PHKA2: variants seen among roughly 807,000 people sequenced by gnomAD.
PHKA2 encodes the protein phosphorylase kinase regulatory subunit alpha 2.
PHKA2 carries 31 observed loss-of-function variants against 102.0 expected under a neutral mutation model. The ratio of observed to expected loss-of-function variants is 0.30; its 90% CI spans 0.23 to 0.41. PHKA2 has a LOEUF of 0.41. PHKA2 is among the 10% of genes least tolerant of loss of function. The pLI, the probability that PHKA2 is intolerant of heterozygous loss-of-function variation, is 1.00. For synonymous variants in PHKA2, 455 were observed against 416.2 expected (o/e 1.09, Z -1.13); for missense variants, 858 against 1,023.1 (o/e 0.84, Z 2.20).
At chrX:18,962,809 C>T (rs762852912) in intron 1 of PHKA2, among the ~76,000 whole-genome samples, 4 of 112,139 alleles carry the variant, frequency 3.6e-5, no homozygotes, top group Non-Finnish European at 5.6e-5. Context: ...CCTCACCAAA[C>T]GCCAGCCTGG....
chrX:18,922,519 A>C (rs1480017703), intron 17 of PHKA2, among the ~76,000 whole-genome samples: 2 of 111,547 alleles, frequency 1.8e-5, no homozygotes, highest in African/African-American at 6.5e-5. Context: ...AGAGGGACCA[A>C]CCTCAGCGGG....
chrX:18,926,970 C>T (rs772728291), intron 13 of PHKA2, among the ~76,000 whole-genome samples: 1 of 111,684 alleles, frequency 9.0e-6, no homozygotes, highest in Non-Finnish European at 1.9e-5. Context: ...GAAACAGCTC[C>T]ACTTGGGGGA....
intron 1 of PHKA2, among the ~76,000 whole-genome samples, chrX:18,974,346 G>C (rs183110764): frequency 9.0e-6 from 1 of 111,287 alleles, no homozygotes; most frequent in East Asian, 2.8e-4. Context: ...CAATTTTTGT[G>C]TCTTATACTC....
chrX:18,930,625 C>T (rs183887265), intron 12 of PHKA2, among the ~76,000 whole-genome samples: 5 of 111,102 alleles, frequency 4.5e-5, no homozygotes, highest in East Asian at 5.7e-4. Context: ...GAGACCTGCC[C>T]GGGATCAGAG....
In PHKA2 at chrX:18,958,259, T is replaced by A. The variant is rs778969101; in HGVS notation, c.79-3847A>T. ...ACAGGACCTATGAGGTCCCTCCATG[T>A]CATCTGGCATAATTCAAATTCATGA... On this transcript the variant is annotated intron_variant, in intron 1 of 32. Coordinates refer to ENST00000379942, the MANE Select transcript of PHKA2 (RefSeq NM_000292.3). Among the ~76,000 whole-genome samples the A allele has an allele frequency of 4.5e-5, 5 of 112,088 alleles. No individual in the cohort carries two copies. The South Asian group carries it at 1.8e-3, about 41-fold the overall frequency.
rs769588531 is a variant in PHKA2 at position 18,899,138 on chromosome X, C to T, written c.3111+35G>A. On this transcript the variant is annotated intron_variant, in intron 29 of 32. Coordinates refer to ENST00000379942, the MANE Select transcript of PHKA2 (RefSeq NM_000292.3). ...GCATGAGGAAGGACGCGAGGAGGAG[C>T]GGGGACGGACACAATAATCCCGAGG... 13 of 1,155,268 alleles carry T rather than the reference C, an allele frequency of 1.1e-5. 1 individual carries two copies. Among genetic ancestry groups the T allele is most frequent in the African/African-American group, 5.3e-5 (3 of 56,263 alleles).
intron 7 of PHKA2, 58 bp downstream of exon 7, chrX:18,943,652 C>T: frequency 1.1e-6 from 1 of 936,388 alleles, no homozygotes; most frequent in Non-Finnish European, 1.6e-6. Flanking sequence ...CACTGGATCC[C>T]AGGCCTTCCA....
intron 1 of PHKA2, among the ~76,000 whole-genome samples, chrX:18,967,747 T>A (rs2048964894): frequency 9.2e-6 from 1 of 108,792 alleles, no homozygotes; most frequent in African/African-American, 3.3e-5. Flanking sequence ...CATATAACCA[T>A]CACCCAGATC....
At chrX:18,965,760 C>T (rs144127166) in intron 1 of PHKA2, among the ~76,000 whole-genome samples, 1 of 111,706 alleles carries the variant, frequency 9.0e-6, no homozygotes, top group Admixed American at 9.5e-5. Context: ...ATTTTATGAA[C>T]ATTAATTATG....
At chrX:18,942,284 TGTAAA>T (rs1264123107) in intron 7 of PHKA2, among the ~76,000 whole-genome samples, 2 of 111,802 alleles carry the variant, frequency 1.8e-5, no homozygotes, top group African/African-American at 6.5e-5. Flanking sequence ...GCTGGAAACT[TGTAAA>T]GGAGTTGAAA....
Position 18,897,258 on chromosome X carries a change from G to A in PHKA2, c.3187C>T (p.Arg1063Trp), listed in dbSNP as rs139136352. Residue 1063 changes from arginine to tryptophan, a missense_variant, in exon 30 of 33, where the codon CGG (arginine) becomes TGG (tryptophan). Physicochemically the swap from Arg to Trp is moderately radical, Grantham distance 101. This residue lies in a region of PHKA2 where 671 missense variants were observed against 745.2 expected (regional missense o/e 0.90). Transcript: ENST00000379942. ...SGGHHIGWGE[R>W]QGQWLRRRRL... Reference sequence around the variant, plus strand: ...CTCCTGCGCAGCCACTGGCCCTGCCGCTCACCCCAGCCGATGTGATGTCCT... The same window carrying A: ...CTCCTGCGCAGCCACTGGCCCTGCCACTCACCCCAGCCGATGTGATGTCCT... The A allele has an allele frequency of 8.3e-7, 1 of 1,210,264 alleles. No individual in the cohort carries two copies. Among genetic ancestry groups the A allele is most frequent in the Non-Finnish European group, 1.1e-6 (1 of 894,956 alleles).
Position 18,905,866 on chromosome X carries a change from A to C in PHKA2, c.2807-7T>G. 1 of 1,159,702 alleles carries C rather than the reference A, an allele frequency of 8.6e-7. No individual in the cohort carries two copies. The highest frequency in any genetic ancestry group is 1.2e-6 in the Non-Finnish European group (1 of 848,353). On this transcript the variant is annotated splice_region_variant and splice_polypyrimidine_tract_variant and intron_variant, in intron 25 of 32. Coordinates refer to ENST00000379942, the MANE Select transcript of PHKA2 (RefSeq NM_000292.3). The stretch of plus-strand genomic sequence containing the variant: ...CTTTCAGAAGCCTCTTCTCCTAAAA[A>C]CAAATATCTTGTAAGTGTCCCAAAC...
intron 1 of PHKA2, among the ~76,000 whole-genome samples, chrX:18,966,914 CAGG>C (rs1479019570): frequency 9.0e-6 from 1 of 111,599 alleles, no homozygotes; most frequent in African/African-American, 3.3e-5. Context: ...GAAGCTACTG[CAGG>C]AGGAGGGACG....
intron 20 of PHKA2, among the ~76,000 whole-genome samples, chrX:18,910,630 G>C (rs886253604): frequency 8.9e-6 from 1 of 112,159 alleles, no homozygotes; most frequent in African/African-American, 3.2e-5. Flanking sequence ...CAAGGTAGTA[G>C]CTTTTTCTAC....
Position 18,897,311 on chromosome X carries a change from G to A in PHKA2, c.3134C>T (p.Pro1045Leu), listed in dbSNP as rs1005915101. The A allele has an allele frequency of 8.3e-7, 1 of 1,207,913 alleles. No homozygotes were observed. The highest frequency in any genetic ancestry group is 1.8e-5 in the African/African-American group (1 of 57,039). ...KSARSSTPSS[P>L]TGTSSSDSGG... Reference sequence around the variant, plus strand: ...CGAGTCTGAGGATGACGTGCCAGTGGGCGAGGATGGGGTGCTGGACCTCTG... The same window carrying A: ...CGAGTCTGAGGATGACGTGCCAGTGAGCGAGGATGGGGTGCTGGACCTCTG... Residue 1045 changes from proline to leucine, a missense_variant, in exon 30 of 33, where the codon CCC (proline) becomes CTC (leucine). Around this residue, in one of 2 missense-constraint regions of PHKA2, gnomAD observed 671 missense variants for 745.2 expected, o/e 0.90. Transcript: ENST00000379942.
chrX:18,920,485 C>T (rs1265334783), intron 17 of PHKA2, among the ~76,000 whole-genome samples: 1 of 112,559 alleles, frequency 8.9e-6, no homozygotes, highest in East Asian at 2.8e-4. Flanking sequence ...AACCAACCAA[C>T]AGTTTGACAA....
rs368335914 is a variant in PHKA2, at chrX:18,893,467, A to T, written c.*18T>A. On this transcript the variant is annotated 3_prime_UTR_variant, in exon 33 of 33. Coordinates refer to ENST00000379942, the MANE Select transcript of PHKA2 (RefSeq NM_000292.3). ...CACGTGACAGATTGAGAGTGTGATCATGTTTCCAGGTGAGACCCTATTGCA... is the reference window on the plus strand; with the variant it reads ...CACGTGACAGATTGAGAGTGTGATCTTGTTTCCAGGTGAGACCCTATTGCA... The T allele has an allele frequency of 1.0e-5, 12 of 1,204,313 alleles. No individual in the cohort carries two copies. Among genetic ancestry groups the T allele is most frequent in the Admixed American group, 2.2e-5 (1 of 45,689 alleles).
At position 18,953,851 on chromosome X, in the gene PHKA2, T is replaced by G. The variant is rs111284395; in HGVS notation, c.237+403A>C. The stretch of plus-strand genomic sequence containing the variant: ...AAAATACAAAATTAGCTGCGCGTGG[T>G]GGCAGTCGCCTGTAATCCCAGCTAC... On this transcript the variant is annotated intron_variant, in intron 2 of 32. Coordinates refer to ENST00000379942, the MANE Select transcript of PHKA2 (RefSeq NM_000292.3). Among the ~76,000 whole-genome samples the G allele has an allele frequency of 5.2e-3, 570 of 110,642 alleles. 6 individuals carry two copies. Among genetic ancestry groups the G allele is most frequent in the African/African-American group, 0.018 (534 of 30,403 alleles).
At chrX:18,961,093 C>T (rs757600379) in intron 1 of PHKA2, among the ~76,000 whole-genome samples, 4 of 112,064 alleles carry the variant, frequency 3.6e-5, no homozygotes, top group Non-Finnish European at 7.5e-5. Flanking sequence ...GATCCATGGA[C>T]ATGGGATGTC....
Sources: gnomAD v4.1 joint callset for allele counts (sites outside exome capture counted in the v4.1 genomes callset) on GRCh38, gnomAD v4.1.1 for gene constraint, gnomAD v4.1.1 regional missense constraint, MANE v1.5 for transcripts, NCBI Gene and HGNC (gene_info 2026-07-23, HGNC 2026-07-21) for gene names.